Variants in MTCH1 observed in about 807,000 individuals in gnomAD.
MTCH1 encodes mitochondrial carrier homolog 1.
Under a neutral mutation model 49.3 loss-of-function variants are expected in MTCH1, and 23 were observed. The ratio of observed to expected loss-of-function variants is 0.47; its 90% confidence interval spans 0.34 to 0.66. The LOEUF is 0.66. Among genes scored for constraint, MTCH1 ranks in the 30% least tolerant of loss-of-function variants. The pLI, the probability that MTCH1 is intolerant of heterozygous loss-of-function variation, is 0.01. For synonymous variants in MTCH1, 229 were observed against 215.2 expected, an observed-to-expected ratio of 1.06 and a Z score of -0.56; for missense variants, 397 against 532.1, an observed-to-expected ratio of 0.75 and a Z score of 2.50.
intron 6 of MTCH1, chr6:36,976,475 C>T (rs559786445): frequency 6.9e-4 from 323 of 469,372 alleles, no homozygotes; most frequent in African/African-American, 5.3e-3. Flanking sequence ...CCAGATTATA[C>T]CCTTCTGGTC....
At position 36,978,132 on chromosome 6, in the gene MTCH1, C is replaced by A; in HGVS notation, c.537G>T (p.Glu179Asp). 1 of 1,613,716 alleles carries A rather than the reference C, an allele frequency of 6.2e-7. No homozygotes were observed. The highest frequency in any genetic ancestry group is 8.5e-7 in the Non-Finnish European group (1 of 1,179,568). Reference sequence around the variant, plus strand: ...TCATATCATCCTTGTTGGAAACCTGCTCAATCTCATCTGGAGGGAAAACCT... The same window carrying A: ...TCATATCATCCTTGTTGGAAACCTGATCAATCTCATCTGGAGGGAAAACCT... ...MKKVFPPDEI[E>D]QVSNKDDMKT... is the part of the protein sequence containing the mutation. Residue 179 changes from glutamate (E) to aspartate (D), a missense_variant, in exon 4 of 12, where the codon GAG becomes GAT. By Grantham distance (45) the Glu-to-Asp change is conservative. Around this residue, in one of 2 missense-constraint regions of MTCH1, gnomAD observed 252 missense variants for 388.3 expected, o/e 0.65. Coordinates refer to ENST00000373627, the MANE Select transcript of MTCH1 (RefSeq NM_001271641.2).
Position 36,985,951 on chromosome 6 carries a change from C to T in MTCH1, c.223G>A (p.Gly75Arg). The part of the protein sequence containing the change: ...MDGGSGGLGS[G>R]DNAPTTEALF... ...GCCTCAGTGGTCGGGGCGTTGTCCC[C>T]AGACCCCAGGCCCCCTGACCCGCCA... The change falls in exon 1 of 12, where the codon GGG becomes AGG. Residue 75 changes from glycine to arginine, a missense_variant. Around this residue, in one of 2 missense-constraint regions of MTCH1, gnomAD observed 145 missense variants for 143.8 expected, o/e 1.01. Coordinates refer to ENST00000373627, the MANE Select transcript of MTCH1 (RefSeq NM_001271641.2). 1 of 1,551,300 alleles carries T rather than the reference C, an allele frequency of 6.4e-7. No individual in the cohort carries two copies. Among genetic ancestry groups the T allele is most frequent in the Non-Finnish European group, 8.7e-7 (1 of 1,147,694 alleles).
chr6:36,972,691 G>C lies in MTCH1; in HGVS notation c.867C>G (p.Thr289=). ...TCTGGTCGTTTCCCAGCCCCCCTGG[G>C]GTGTCACTCACGCTGTCATCCACCA... ...AYLVDDSVSD[T]PGGLGNDQNP... is the part of the protein sequence containing the mutation. Residue 289 remains threonine (T), a synonymous_variant, in exon 8 of 12, where the codon ACC becomes ACG. Coordinates refer to ENST00000373627, the MANE Select transcript of MTCH1 (RefSeq NM_001271641.2). The surrounding 1 kb of genome is among the most constrained non-coding windows in gnomAD (Gnocchi z 4.1). 1 of 1,551,786 alleles carries C rather than the reference G, an allele frequency of 6.4e-7. No homozygotes were observed.
Position 36,977,975 on chromosome 6 carries a change from A to T in MTCH1, c.591+103T>A, listed in dbSNP as rs1230594006. 3.7e-6 allele frequency: 4 copies of T among 1,069,470 alleles called. No individual in the cohort carries two copies. The African/African-American group carries it at 6.2e-5, about 17-fold the overall frequency. The allele number at this position is 1,069,470 out of a possible 1,614,324, so 66.2% of individuals were successfully genotyped here. ...TTACCATCCCACCCATGCATACACA[A>T]GGACCCAACTCTTCGACTTGTCAAT... On this transcript the variant is annotated intron_variant, in intron 4 of 11. Coordinates refer to ENST00000373627, the MANE Select transcript of MTCH1 (RefSeq NM_001271641.2). This position sits in a 1 kb window ranked among gnomAD's most constrained non-coding sequence, Gnocchi z 5.4.
intron 11 of MTCH1, chr6:36,969,515 G>T: frequency 9.2e-7 from 1 of 1,087,980 alleles, no homozygotes; most frequent in Non-Finnish European, 1.1e-6. Context: ...CGGAGAGGTA[G>T]CTTCGGTACA....
At chr6:36,973,176 C>T (rs1393187591) in intron 7 of MTCH1, among the ~76,000 whole-genome samples, 1 of 152,200 alleles carries the variant, frequency 6.6e-6, no homozygotes, top group African/African-American at 2.4e-5. Context: ...TCAGAAGACA[C>T]ACTGCTCAAT....
rs1258854142 is a variant in MTCH1 at position 36,972,029 on chromosome 6, CT to C, written c.906+622del. Among the ~76,000 whole-genome samples, 1 of 152,126 alleles carries C rather than the reference CT, an allele frequency of 6.6e-6. No individual in the cohort carries two copies. The highest frequency in any genetic ancestry group is 1.5e-5 in the Non-Finnish European group (1 of 68,010). On this transcript the variant is annotated intron_variant, in intron 8 of 11. Coordinates refer to ENST00000373627, the MANE Select transcript of MTCH1 (RefSeq NM_001271641.2). This position sits in a 1 kb window ranked among gnomAD's most constrained non-coding sequence, Gnocchi z 4.1. ...GTATACTAGGCTGTGTAGACCACAGCTAACAAAATAGGAGGGTGTATCGGAC... is the reference window on the plus strand; with the variant it reads ...GTATACTAGGCTGTGTAGACCACAGCAACAAAATAGGAGGGTGTATCGGAC...
intron 7 of MTCH1, among the ~76,000 whole-genome samples, chr6:36,974,896 G>A (rs1561906499): frequency 6.6e-6 from 1 of 152,118 alleles, no homozygotes; most frequent in African/African-American, 2.4e-5. Flanking sequence ...ATACTTATCA[G>A]CATGTATGTC....
chr6:36,978,687 C>A, intron 2 of MTCH1, 76 bp from the exon 3 acceptor site: 4 of 1,305,848 alleles, frequency 3.1e-6, no homozygotes, highest in Non-Finnish European at 3.3e-6. Context: ...CACACCCAGA[C>A]CAGGCTCGGC....
At chr6:36,971,822 G>T (rs543411097) in intron 8 of MTCH1, among the ~76,000 whole-genome samples, 1 of 152,106 alleles carries the variant, frequency 6.6e-6, no homozygotes, top group Non-Finnish European at 1.5e-5. Context: ...CCTTCTTGAA[G>T]GTGATCCCCA....
chr6:36,968,758 C>CA lies in MTCH1; in HGVS notation c.*144dup. 1 of 1,296,028 alleles carries CA rather than the reference C, an allele frequency of 7.7e-7. No homozygotes were observed. The highest frequency in any genetic ancestry group is 2.6e-5 in the East Asian group (1 of 38,802). 80.3% of individuals were successfully genotyped at this position (1,296,028 alleles called of 1,614,324 possible). The stretch of plus-strand genomic sequence containing the variant: ...CCGCTCAACCCCACATCTGGACAGA[C>CA]ACATGGCAAATATGGAACTGAAGCC... On this transcript the variant is annotated 3_prime_UTR_variant, in exon 12 of 12. Coordinates refer to ENST00000373627, the MANE Select transcript of MTCH1 (RefSeq NM_001271641.2).
intron 9 of MTCH1, 32 bp from the exon 10 acceptor site, chr6:36,970,505 C>T (rs754995082): frequency 5.6e-6 from 9 of 1,612,516 alleles, no homozygotes; most frequent in Middle Eastern, 1.6e-4. Flanking sequence ...GTGCCAGTGA[C>T]CCACCCCGGC....
At chr6:36,986,380 G>A (rs572776155), upstream of MTCH1, 304 of 402,608 alleles carry the variant, frequency 7.6e-4, no homozygotes, top group African/African-American at 5.6e-3. Context: ...AATGGTGGCG[G>A]GCAGCCGGGG....
At position 36,986,094 on chromosome 6, in the gene MTCH1, C is replaced by G. The variant is rs1305236329; in HGVS notation, c.80G>C (p.Gly27Ala). 8 of 1,435,650 alleles carry G rather than the reference C, an allele frequency of 5.6e-6. No individual in the cohort carries two copies. The highest frequency in any genetic ancestry group is 1.4e-5 in the South Asian group (1 of 71,068). 88.9% of individuals were successfully genotyped at this position (1,435,650 alleles called of 1,614,324 possible). A position where few individuals can be genotyped will look rare whatever the true frequency, so the allele number is the denominator to read the frequency against. ...CCCCGCCGCCGCTCCGCCGCGAGCT[C>G]CGGCTCCAGCTCCGGCTCCCGCCAT... ...AGMAGAGAGA[G>A]ARGGAAAGVE... Residue 27 changes from glycine to alanine, a missense_variant, in exon 1 of 12, where the codon GGA becomes GCA. This residue lies in a region of MTCH1 where 145 missense variants were observed against 143.8 expected (regional missense o/e 1.01). Transcript: ENST00000373627.
chr6:36,981,882 T>C (rs1397709920), intron 1 of MTCH1, among the ~76,000 whole-genome samples: 6 of 152,180 alleles, frequency 3.9e-5, no homozygotes, highest in African/African-American at 9.7e-5. Context: ...TCAACAGAAA[T>C]GCCTGGTCCC....
chr6:36,972,978 T>C lies in MTCH1; in HGVS notation c.762-182A>G, dbSNP rs1480580078. Among the ~76,000 whole-genome samples the C allele has an allele frequency of 6.6e-6, 1 of 152,138 alleles. No homozygotes were observed. Among genetic ancestry groups the C allele is most frequent in the Non-Finnish European group, 1.5e-5 (1 of 68,018 alleles). ...TGCACACTGGGAAGATAGTGCTCCT[T>C]TTCCCATGGGGAGGTGTTCTATGCC... On this transcript the variant is annotated intron_variant, in intron 7 of 11. Transcript: ENST00000373627. This position sits in a 1 kb window ranked among gnomAD's most constrained non-coding sequence, Gnocchi z 4.1.
intron 2 of MTCH1, 60 bp downstream of exon 2, chr6:36,981,528 T>A: frequency 6.5e-7 from 1 of 1,530,110 alleles, no homozygotes; most frequent in Admixed American, 1.8e-5. Flanking sequence ...CTGGTCCTGC[T>A]CCCCACCTGA....
intron 2 of MTCH1, among the ~76,000 whole-genome samples, chr6:36,980,237 G>C (rs1323581655): frequency 6.6e-6 from 1 of 152,220 alleles, no homozygotes; most frequent in African/African-American, 2.4e-5. Flanking sequence ...ATCCTCAAAA[G>C]AGACAGTTAA....
intron 10 of MTCH1, 96 bp from the exon 11 acceptor site, chr6:36,970,210 A>G (rs1238071987): frequency 2.1e-6 from 3 of 1,463,262 alleles, no homozygotes; most frequent in Non-Finnish European, 2.8e-6. Context: ...GCTACCACCC[A>G]TCCACACCCT....
Sources: gnomAD v4.1 joint callset for allele counts (sites outside exome capture counted in the v4.1 genomes callset) on GRCh38, gnomAD v4.1.1 for gene constraint, gnomAD v4.1.1 regional missense constraint, Gnocchi (gnomAD v3.1) non-coding constraint, MANE v1.5 for transcripts, NCBI Gene and HGNC (gene_info 2026-07-23, HGNC 2026-07-21) for gene names.